TULP2: variants seen among roughly 807,000 people sequenced by gnomAD.
TULP2 encodes TUB like protein 2.
TULP2 carries 64 observed loss-of-function variants against 60.3 expected under a neutral mutation model. The ratio of observed to expected loss-of-function variants is 1.06; its 90% CI spans 0.87 to 1.31. TULP2 has a LOEUF of 1.31. TULP2 is among the 50% of genes most tolerant of loss of function. TULP2 has a pLI of 0.00. For synonymous variants in TULP2, 267 were observed against 265.4 expected (o/e 1.01, Z -0.06); for missense variants, 652 against 667.0 (o/e 0.98, Z 0.25).
intron 6 of TULP2, among the ~76,000 whole-genome samples, chr19:48,893,015 A>G (rs769778843): frequency 7.9e-5 from 12 of 151,994 alleles, no homozygotes; most frequent in Non-Finnish European, 1.5e-4. Context: ...AGCCAAGGTG[A>G]GAGGATCACT....
At chr19:48,887,617 A>T (rs1162647343) in intron 8 of TULP2, among the ~76,000 whole-genome samples, 2 of 151,380 alleles carry the variant, frequency 1.3e-5, no homozygotes, top group African/African-American at 4.9e-5. Flanking sequence ...GAGTGCAGTG[A>T]TGCAATCTCG....
intron 8 of TULP2, 21 bp from the exon 9 acceptor site, chr19:48,885,581 C>G: frequency 6.2e-7 from 1 of 1,608,654 alleles, no homozygotes; most frequent in East Asian, 2.2e-5. Flanking sequence ...GAGGAACAGT[C>G]CATTAGAATG....
chr19:48,889,715 T>G, intron 6 of TULP2, 84 bp from the exon 7 acceptor site: 1 of 1,250,484 alleles, frequency 8.0e-7, no homozygotes, highest in Non-Finnish European at 1.1e-6. Context: ...CATTTTGTTC[T>G]GTACTAAGAC....
Position 48,882,086 on chromosome 19 carries a change from C to G in TULP2, c.1393G>C (p.Gly465Arg). The G allele has an allele frequency of 3.1e-6, 5 of 1,614,218 alleles. No homozygotes were observed. Among genetic ancestry groups the G allele is most frequent in the Non-Finnish European group, 4.2e-6 (5 of 1,180,044 alleles). ...TTCACCGAAGCCCGAGTGACTCGAC[C>G]ATGGAAATTGAGCGTGTAGACACCG... ...ENGVYTLNFH[G>R]RVTRASVKNF... Residue 465 changes from glycine (G) to arginine (R), a missense_variant, in exon 12 of 13, where the codon GGT (glycine) becomes CGT (arginine). Physicochemically the swap from Gly to Arg is moderately radical, Grantham distance 125 (BLOSUM62 -2). Transcript: ENST00000221399.
intron 12 of TULP2, among the ~76,000 whole-genome samples, chr19:48,881,382 T>C (rs903233534): frequency 1.4e-5 from 2 of 141,420 alleles, no homozygotes; most frequent in East Asian, 2.0e-4. Flanking sequence ...GCTAATTTTT[T>C]TTTTTTTTTT....
chr19:48,886,928 G>A (rs1196513989), intron 8 of TULP2, among the ~76,000 whole-genome samples: 1 of 146,598 alleles, frequency 6.8e-6, no homozygotes, highest in African/African-American at 2.5e-5. Flanking sequence ...TGCCCAAGCT[G>A]ATCTGGAACT....
chr19:48,881,192 AC>A (rs2037126888), intron 12 of TULP2, 66 bp from the exon 13 acceptor site: 39 of 614,750 alleles, frequency 6.3e-5, no homozygotes, highest in Non-Finnish European at 8.4e-5. Context: ...GAGAACTGAG[AC>A]TTTTTTTTTT....
Position 48,895,343 on chromosome 19 carries a change from G to A in TULP2, c.349+23C>T, listed in dbSNP as rs973618401. 9.3e-6 allele frequency: 15 copies of A among 1,611,562 alleles called. No individual in the cohort carries two copies. The Admixed American group carries it at 2.0e-4, about 22-fold the overall frequency. On this transcript the variant is annotated intron_variant, in intron 5 of 12. Transcript: ENST00000221399. ...GTGGGGACGGAGTTCTGGGGTCTAGGAGGTCGGTGGACTCGCAAATACCTG... is the reference window on the plus strand; with the variant it reads ...GTGGGGACGGAGTTCTGGGGTCTAGAAGGTCGGTGGACTCGCAAATACCTG...
At chr19:48,896,183 C>T (rs2037278977) in intron 4 of TULP2, among the ~76,000 whole-genome samples, 1 of 152,188 alleles carries the variant, frequency 6.6e-6, no homozygotes, top group Admixed American at 6.5e-5. Flanking sequence ...TGTACCATGC[C>T]CCGCCCCTGC....
At position 48,897,969 on chromosome 19, in the gene TULP2, T is replaced by G. The variant is rs2037297709; in HGVS notation, c.-1-100A>C. Reference sequence around the variant, plus strand: ...TAGCCTTATTTATTTATTTATTTATTTATTTATTTATGTATTTAGAGACAG... The same window carrying G: ...TAGCCTTATTTATTTATTTATTTATGTATTTATTTATGTATTTAGAGACAG... On this transcript the variant is annotated intron_variant, in intron 1 of 12. Transcript: ENST00000221399. This position sits in a 1 kb window ranked among gnomAD's most constrained non-coding sequence, Gnocchi z 4.0. 4 of 940,998 alleles carry G rather than the reference T, an allele frequency of 4.3e-6. 1 individual carries two copies. The South Asian group carries it at 1.1e-4, about 26-fold the overall frequency. The allele number at this position is 940,998 out of a possible 1,614,324, so 58.3% of individuals were successfully genotyped here.
At chr19:48,885,955 C>G (rs959336822) in intron 8 of TULP2, among the ~76,000 whole-genome samples, 2 of 152,074 alleles carry the variant, frequency 1.3e-5, no homozygotes, top group African/African-American at 4.8e-5. Flanking sequence ...GGTCCAAAGA[C>G]AAGGAAACGT....
At position 48,888,079 on chromosome 19, in the gene TULP2, T is replaced by C; in HGVS notation, c.819A>G (p.Glu273=). 6.2e-7 allele frequency: 1 copy of C among 1,614,176 alleles called. No individual in the cohort carries two copies. Among genetic ancestry groups the C allele is most frequent in the South Asian group, 1.1e-5 (1 of 91,090 alleles). ...SPCPGLEEDM[E]AYVLRPALPG... ...GGAGCGCTGGCCGCAGCACGTAGGCTTCCATGTCCTCCTCCAGCCCAGGGC... is the reference window on the plus strand; with the variant it reads ...GGAGCGCTGGCCGCAGCACGTAGGCCTCCATGTCCTCCTCCAGCCCAGGGC... The change falls in exon 8 of 13, where the codon GAA becomes GAG. Residue 273 remains glutamate (E), a synonymous_variant. Transcript: ENST00000221399.
intron 3 of TULP2, among the ~76,000 whole-genome samples, chr19:48,896,952 C>T (rs928292517): frequency 6.6e-6 from 1 of 151,766 alleles, no homozygotes; most frequent in Non-Finnish European, 1.5e-5. Flanking sequence ...TGCAGTACCA[C>T]GATCTCCGCT....
chr19:48,896,307 C>T (rs930400046), intron 4 of TULP2, 123 bp downstream of exon 4: 2 of 1,363,296 alleles, frequency 1.5e-6, no homozygotes, highest in African/African-American at 1.5e-5. Context: ...TGGGCCAAGG[C>T]CCGCCCCCAT....
chr19:48,895,566 C>T, intron 4 of TULP2, 63 bp from the exon 5 acceptor site: 1 of 1,553,754 alleles, frequency 6.4e-7, no homozygotes, highest in South Asian at 1.2e-5. Flanking sequence ...AACCAAAATC[C>T]ACCCCGTCAC....
chr19:48,895,534 C>T (rs370277577), intron 4 of TULP2, 31 bp from the exon 5 acceptor site: 3 of 1,582,684 alleles, frequency 1.9e-6, no homozygotes, highest in Non-Finnish European at 1.7e-6. Context: ...CCCATGAAAA[C>T]GATCTACAAA....
intron 8 of TULP2, among the ~76,000 whole-genome samples, chr19:48,887,341 T>G (rs1452530841): frequency 1.0e-5 from 1 of 95,424 alleles, no homozygotes; most frequent in Non-Finnish European, 2.0e-5. Context: ...TTTTTTTTTT[T>G]TTATGCAGAG....
chr19:48,883,690 T>A, intron 11 of TULP2, 64 bp downstream of exon 11: 2 of 1,559,248 alleles, frequency 1.3e-6, no homozygotes, highest in African/African-American at 2.7e-5. Flanking sequence ...TCCTCTGGGA[T>A]CTAGGAGGAC....
intron 12 of TULP2, 83 bp downstream of exon 12, chr19:48,881,949 A>C: frequency 6.3e-7 from 1 of 1,582,938 alleles, no homozygotes; most frequent in South Asian, 1.1e-5. Context: ...CGCTCAAGTG[A>C]TGATGGGAGA....
Sources: gnomAD v4.1 joint callset for allele counts (sites outside exome capture counted in the v4.1 genomes callset) on GRCh38, gnomAD v4.1.1 for gene constraint, Gnocchi (gnomAD v3.1) non-coding constraint, MANE v1.5 for transcripts, NCBI Gene and HGNC (gene_info 2026-07-23, HGNC 2026-07-21) for gene names.